The following PLOD1 variants were observed in gnomAD, a reference collection of about 807,000 sequenced individuals.
PLOD1 encodes the protein lysine hydroxylase.
PLOD1 carries 70 observed loss-of-function variants against 94.7 expected under a neutral mutation model. The ratio of observed to expected loss-of-function variants is 0.74; its 90% CI spans 0.61 to 0.90. The LOEUF is 0.90. PLOD1 is among the 40% of genes least tolerant of loss of function. PLOD1 has a pLI of 0.00. For synonymous variants in PLOD1, 417 were observed against 400.2 expected, an observed-to-expected ratio of 1.04 and a Z score of -0.50; for missense variants, 905 against 972.7, an observed-to-expected ratio of 0.93 and a Z score of 0.93.
intron 1 of PLOD1, among the ~76,000 whole-genome samples, chr1:11,942,793 G>T (rs779500640): frequency 6.6e-6 from 1 of 152,100 alleles, no homozygotes; most frequent in Admixed American, 6.6e-5. Flanking sequence ...GAAAAATCCA[G>T]ACTCCTGGGC....
intron 18 of PLOD1, 49 bp from the exon 19 acceptor site, chr1:11,974,604 C>A: frequency 1.3e-6 from 2 of 1,573,790 alleles, no homozygotes; most frequent in Non-Finnish European, 1.7e-6. Context: ...GGAGAACAGA[C>A]GGGCAGGGGG....
chr1:11,943,270 G>C (rs1402898786), intron 1 of PLOD1, among the ~76,000 whole-genome samples: 3 of 151,128 alleles, frequency 2.0e-5, no homozygotes, highest in Non-Finnish European at 4.4e-5. Context: ...TTATAGGCAT[G>C]AGCCACCGTG....
rs189442132 is a variant in PLOD1 at position 11,961,973 on chromosome 1, G to A, written c.1097+1206G>A. Among the ~76,000 whole-genome samples, 847 of 152,260 alleles carry A rather than the reference G, an allele frequency of 5.6e-3. 4 individuals carry two copies. Among genetic ancestry groups the A allele is most frequent in the African/African-American group, 0.019 (800 of 41,546 alleles). ...CTGGCTAATTTTTGTATTTTTAGTA[G>A]AGACGAGGTTTCACCATGTTTTCCA... is the stretch of plus-strand genomic sequence containing the variant. On this transcript the variant is annotated intron_variant, in intron 10 of 18. Transcript: ENST00000196061.
chr1:11,945,363 A>G (rs555332204), intron 1 of PLOD1, among the ~76,000 whole-genome samples: 1 of 151,850 alleles, frequency 6.6e-6, no homozygotes, highest in East Asian at 1.9e-4. Context: ...GGTTGCAGTG[A>G]GCCATGAGCC....
chr1:11,957,800 G>GGGGC lies in PLOD1; in HGVS notation c.742-41_742-38dup. The GGGGC allele has an allele frequency of 7.3e-7, 1 of 1,374,608 alleles. No individual in the cohort carries two copies. Among genetic ancestry groups the GGGGC allele is most frequent in the Non-Finnish European group, 1.0e-6 (1 of 961,284 alleles). The allele number at this position is 1,374,608 out of a possible 1,614,324, so 85.2% of individuals were successfully genotyped here. A position where few individuals can be genotyped will look rare whatever the true frequency, so the allele number is the denominator to read the frequency against. On this transcript the variant is annotated intron_variant, in intron 7 of 18. Coordinates refer to ENST00000196061, the MANE Select transcript of PLOD1 (RefSeq NM_000302.4). The surrounding 1 kb of genome is among the most constrained non-coding windows in gnomAD (Gnocchi z 4.1). ...GATGTGAGTCAGGGCTATGGCAGGT[G>GGGGC]GGGCTGGCTGGCTTCTCTGTGACCC... is the stretch of plus-strand genomic sequence containing the variant.
At position 11,949,911 on chromosome 1, in the gene PLOD1, G is replaced by C. The variant is rs749607584; in HGVS notation, c.302+5G>C. 2.5e-6 allele frequency: 4 copies of C among 1,613,950 alleles called. No homozygotes were observed. The African/African-American group carries it at 4.0e-5, about 16-fold the overall frequency. ...GGTCATTCTCTTCGCAGACAGGTAGGTGGGTCAGGGCTTCCTAGCCTGGGC... is the reference window on the plus strand; with the variant it reads ...GGTCATTCTCTTCGCAGACAGGTAGCTGGGTCAGGGCTTCCTAGCCTGGGC... On this transcript the variant is annotated splice_donor_5th_base_variant and intron_variant, in intron 3 of 18. Coordinates refer to ENST00000196061, the MANE Select transcript of PLOD1 (RefSeq NM_000302.4).
chr1:11,964,331 G>A, intron 12 of PLOD1, 31 bp downstream of exon 12: 3 of 1,456,162 alleles, frequency 2.1e-6, no homozygotes, highest in Non-Finnish European at 1.9e-6. Flanking sequence ...GGTGGGTGGG[G>A]GACACCTTCA....
intron 5 of PLOD1, chr1:11,954,335 A>AC: frequency 3.4e-6 from 1 of 292,450 alleles, no homozygotes; most frequent in Non-Finnish European, 6.8e-6. Context: ...AAAAAAAAAA[A>AC]ATTAGCTGGG....
intron 1 of PLOD1, 129 bp from the exon 2 acceptor site, chr1:11,947,847 C>T (rs774115814): frequency 2.4e-5 from 17 of 711,932 alleles, no homozygotes; most frequent in Non-Finnish European, 4.2e-5. Context: ...TCCCTGGGCC[C>T]TGTTCTGTAA....
intron 9 of PLOD1, among the ~76,000 whole-genome samples, chr1:11,959,200 C>T (rs186178897): frequency 2.7e-5 from 4 of 150,700 alleles, no homozygotes; most frequent in Non-Finnish European, 4.4e-5. Flanking sequence ...AGCAAAACTC[C>T]GTCTCAAAAA....
intron 18 of PLOD1, among the ~76,000 whole-genome samples, chr1:11,973,343 T>C (rs1339181824): frequency 6.6e-6 from 1 of 151,922 alleles, no homozygotes; most frequent in East Asian, 2.0e-4. Context: ...CCACTAAAAA[T>C]AGAAAAATTA....
rs991268106 is a variant in PLOD1 at position 11,934,717 on chromosome 1, G to C, written c.-63G>C. The C allele has an allele frequency of 6.6e-7, 1 of 1,507,074 alleles. No individual in the cohort carries two copies. The highest frequency in any genetic ancestry group is 8.8e-7 in the Non-Finnish European group (1 of 1,135,666). The allele number at this position is 1,507,074 out of a possible 1,614,324, so 93.4% of individuals were successfully genotyped here. ...GCGTGGCAGCGGGACCTGCGGCCCCGTCGCGAAGTTTCCAGCCCTGCGAGC... is the reference window on the plus strand; with the variant it reads ...GCGTGGCAGCGGGACCTGCGGCCCCCTCGCGAAGTTTCCAGCCCTGCGAGC... On this transcript the variant is annotated 5_prime_UTR_variant, in exon 1 of 19. Coordinates refer to ENST00000196061, the MANE Select transcript of PLOD1 (RefSeq NM_000302.4).
chr1:11,953,345 C>T lies in PLOD1; in HGVS notation c.579+610C>T, dbSNP rs144049464. ...TGCTGGGATTACAGTCGTGAGCCAC[C>T]GTGCCCGGCTGTCGGGTCTTAAAGA... On this transcript the variant is annotated intron_variant, in intron 5 of 18. Transcript: ENST00000196061. Among the ~76,000 whole-genome samples the T allele has an allele frequency of 3.8e-3, 573 of 151,886 alleles. 6 individuals are homozygous for T. The highest frequency in any genetic ancestry group is 0.013 in the African/African-American group (548 of 41,452).
In PLOD1 at chr1:11,964,752, C is replaced by G. The variant is rs367929166; in HGVS notation, c.1437C>G (p.Pro479=). 7 of 1,613,608 alleles carry G rather than the reference C, an allele frequency of 4.3e-6. No individual in the cohort carries two copies. The African/African-American group carries it at 9.3e-5, about 22-fold the overall frequency. ...TCTTCCACCACAGCAAGCTGGACCC[C>G]GACATGGCCTTCTGTGCCAACATCC... ...SDLFHHSKLD[P]DMAFCANIRQ... Residue 479 remains proline (P), a synonymous_variant, in exon 13 of 19, where the codon CCC becomes CCG. Coordinates refer to ENST00000196061, the MANE Select transcript of PLOD1 (RefSeq NM_000302.4).
intron 6 of PLOD1, among the ~76,000 whole-genome samples, chr1:11,955,540 A>G (rs1645732294): frequency 6.6e-6 from 1 of 152,188 alleles, no homozygotes; most frequent in South Asian, 2.1e-4. Context: ...AGAGAAACGC[A>G]GAAAATGCCC....
rs780438746 is a variant in PLOD1, at chr1:11,949,042, A to G, written c.169-731A>G. Among the ~76,000 whole-genome samples the G allele has an allele frequency of 1.1e-3, 172 of 152,326 alleles. 1 individual carries two copies. The highest frequency in any genetic ancestry group is 8.7e-4 in the Non-Finnish European group (59 of 68,028). On this transcript the variant is annotated intron_variant, in intron 2 of 18. Transcript: ENST00000196061. ...AGGCATGGCTGGATCCAGGGATTCA[A>G]GCAGCAAAGTGAGGGCCTTGTGTTT...
In PLOD1 at chr1:11,958,826, T is replaced by C. The variant is rs1268409720; in HGVS notation, c.975+179T>C. Reference sequence around the variant, plus strand: ...AACTTTGGAGTCAGACTGGGTGAGTTTGAATCCCAGCGCCGCTATTTTATT... The same window carrying C: ...AACTTTGGAGTCAGACTGGGTGAGTCTGAATCCCAGCGCCGCTATTTTATT... On this transcript the variant is annotated intron_variant, in intron 9 of 18. Transcript: ENST00000196061. This position sits in a 1 kb window ranked among gnomAD's most constrained non-coding sequence, Gnocchi z 4.3. Among the ~76,000 whole-genome samples the C allele has an allele frequency of 6.6e-6, 1 of 152,162 alleles. No homozygotes were observed. Among genetic ancestry groups the C allele is most frequent in the Non-Finnish European group, 1.5e-5 (1 of 68,020 alleles).
At chr1:11,954,744 G>A in intron 5 of PLOD1, 86 bp from the exon 6 acceptor site, 3 of 1,031,536 alleles carry the variant, frequency 2.9e-6, no homozygotes, top group Non-Finnish European at 4.6e-6. Context: ...TGAACTTGGG[G>A]ACAGATTCCC....
At chr1:11,941,492 A>T (rs567454535) in intron 1 of PLOD1, among the ~76,000 whole-genome samples, 2 of 145,134 alleles carry the variant, frequency 1.4e-5, no homozygotes, top group Non-Finnish European at 3.0e-5. Flanking sequence ...TATTATTATT[A>T]TTTTTGAGAT....
Sources: allele counts gnomAD v4.1 joint callset (sites outside exome capture counted in the v4.1 genomes callset), GRCh38; gene constraint gnomAD v4.1.1; non-coding constraint Gnocchi (gnomAD v3.1); transcripts MANE v1.5; gene names NCBI Gene and HGNC (gene_info 2026-07-23, HGNC 2026-07-21).